The following TRIM9 variants were observed in gnomAD, a reference collection of about 807,000 sequenced individuals.
TRIM9 encodes tripartite motif containing 9.
TRIM9 carries 26 observed loss-of-function variants against 78.3 expected under a neutral mutation model. The ratio of observed to expected loss-of-function variants is 0.33; its 90% CI spans 0.24 to 0.46. The LOEUF is 0.46. Among genes scored for constraint, TRIM9 ranks in the 20% least tolerant of loss-of-function variants. The pLI, the probability that TRIM9 is intolerant of heterozygous loss-of-function variation, is 1.00. For missense variants in TRIM9, 787 were observed against 1,036.4 expected, an observed-to-expected ratio of 0.76 and a Z score of 3.30; for synonymous variants, 398 against 416.5, an observed-to-expected ratio of 0.96 and a Z score of 0.54.
chr14:51,042,381 T>C (rs1367213309), intron 1 of TRIM9, among the ~76,000 whole-genome samples: 1 of 152,230 alleles, frequency 6.6e-6, no homozygotes, highest in Non-Finnish European at 1.5e-5. Context: ...ATCTGAAACC[T>C]GTCACTTAAG....
intron 1 of TRIM9, among the ~76,000 whole-genome samples, chr14:51,031,238 C>G (rs1355304863): frequency 6.6e-6 from 1 of 151,940 alleles, no homozygotes; most frequent in Admixed American, 6.6e-5. Flanking sequence ...CCTCTGAGCC[C>G]TCTTCTTACC....
intron 3 of TRIM9, among the ~76,000 whole-genome samples, chr14:51,017,927 C>T (rs866366308): frequency 6.6e-6 from 1 of 152,168 alleles, no homozygotes; most frequent in Non-Finnish European, 1.5e-5. Flanking sequence ...GTGATTTTTG[C>T]TCCTATGTGG....
In TRIM9 at chr14:50,977,265, G is replaced by T; in HGVS notation, c.*26C>A. The T allele has an allele frequency of 1.4e-6, 2 of 1,451,954 alleles. No individual in the cohort carries two copies. The highest frequency in any genetic ancestry group is 1.5e-5 in the South Asian group (1 of 66,258). The allele number at this position is 1,451,954 out of a possible 1,614,324, so 89.9% of individuals were successfully genotyped here. A position where few individuals can be genotyped will look rare whatever the true frequency, so the allele number is the denominator to read the frequency against. ...CTCTCGCAGGCGGAGGTAAGAACAG[G>T]CAGCTGGCGCCTCCACGGCACATCC... is the stretch of plus-strand genomic sequence containing the variant. On this transcript the variant is annotated 3_prime_UTR_variant, in exon 13 of 13. Coordinates refer to ENST00000684578, the MANE Select transcript of TRIM9 (RefSeq NM_001387360.1).
intron 1 of TRIM9, among the ~76,000 whole-genome samples, chr14:51,058,921 A>T (rs1180830478): frequency 1.3e-5 from 2 of 152,170 alleles, no homozygotes; most frequent in Non-Finnish European, 1.5e-5. Context: ...ATTCTCATGT[A>T]ATGTTTTGCA....
intron 1 of TRIM9, among the ~76,000 whole-genome samples, chr14:51,083,436 T>C (rs2063489180): frequency 6.6e-6 from 1 of 151,800 alleles, no homozygotes; most frequent in African/African-American, 2.4e-5. Flanking sequence ...AAAAAATTTT[T>C]TTTTTAGAGA....
intron 1 of TRIM9, among the ~76,000 whole-genome samples, chr14:51,072,654 AC>A (rs1318634499): frequency 9.7e-6 from 1 of 103,442 alleles, no homozygotes; most frequent in African/African-American, 5.2e-5. Context: ...TCAATTTATT[AC>A]TTTTTTTTTT....
intron 1 of TRIM9, among the ~76,000 whole-genome samples, chr14:51,086,813 G>T (rs2063795962): frequency 6.6e-6 from 1 of 152,180 alleles, no homozygotes; most frequent in Non-Finnish European, 1.5e-5. Context: ...GTACAAGCAG[G>T]AATTGAAACC....
chr14:51,006,909 ATGTGGTC>A (rs1295534379), intron 5 of TRIM9, among the ~76,000 whole-genome samples: 1 of 152,158 alleles, frequency 6.6e-6, no homozygotes, highest in Non-Finnish European at 1.5e-5. Context: ...TGCTTTAGAA[ATGTGGTC>A]TGTGATGCAG....
chr14:51,094,613 C>T lies in TRIM9; in HGVS notation c.327G>A (p.Pro109=), dbSNP rs755021967. 1.9e-6 allele frequency: 3 copies of T among 1,608,866 alleles called. No homozygotes were observed. Among genetic ancestry groups the T allele is most frequent in the Non-Finnish European group, 2.5e-6 (3 of 1,176,956 alleles). ...VRVFPPAMPP[P]ATHLSPALAP... is the part of the protein sequence containing the mutation. ...CCAGGGCCGGTGACAAGTGGGTGGCCGGTGGCGGCATAGCCGGGGGAAACA... is the reference window on the plus strand; with the variant it reads ...CCAGGGCCGGTGACAAGTGGGTGGCTGGTGGCGGCATAGCCGGGGGAAACA... The change falls in exon 1 of 13, where the codon CCG becomes CCA. Residue 109 remains proline, a synonymous_variant. Coordinates refer to ENST00000684578, the MANE Select transcript of TRIM9 (RefSeq NM_001387360.1).
In TRIM9 at chr14:51,022,903, C is replaced by T. The variant is rs1447479504; in HGVS notation, c.973G>A (p.Asp325Asn). ...TGGGCTTTTCTTCTGTTGAGGGCAT[C>T]GATGAGGGCATCACATTGGGCCACC... ...CLVAQCDALI[D>N]ALNRRKAQLL... Residue 325 changes from aspartate (D) to asparagine (N), a missense_variant, in exon 3 of 13, where the codon GAT (aspartate) becomes AAT (asparagine). Around this residue, in one of 3 missense-constraint regions of TRIM9, gnomAD observed 352 missense variants for 472.3 expected, o/e 0.75. Coordinates refer to ENST00000684578, the MANE Select transcript of TRIM9 (RefSeq NM_001387360.1). The T allele has an allele frequency of 3.1e-6, 5 of 1,614,118 alleles. No individual in the cohort carries two copies. Among genetic ancestry groups the T allele is most frequent in the South Asian group, 1.1e-5 (1 of 91,082 alleles).
chr14:51,087,120 A>C (rs1388044491), intron 1 of TRIM9, among the ~76,000 whole-genome samples: 1 of 152,026 alleles, frequency 6.6e-6, no homozygotes, highest in Admixed American at 6.6e-5. Context: ...ACAGCTGTGG[A>C]GGCTGACTCA....
chr14:51,034,303 C>T (rs538520975), intron 1 of TRIM9, among the ~76,000 whole-genome samples: 14 of 152,210 alleles, frequency 9.2e-5, no homozygotes, highest in Middle Eastern at 3.4e-3. Context: ...CAAATAAACC[C>T]AATGAGAATT....
rs749136649 is a variant in TRIM9 at position 50,979,504 on chromosome 14, G to A, written c.2208C>T (p.Leu736=). ...ITKGATIGVL[L]DLNRKNLTFF... is the part of the protein sequence containing the mutation. ...ATGTCAAGTTTTTTCTATTTAAGTC[G>A]AGGAGGACCCCAATTGTGGCCCCTT... Residue 736 remains leucine, a synonymous_variant, in exon 12 of 13, where the codon CTC becomes CTT. Transcript: ENST00000684578. The A allele has an allele frequency of 7.2e-5, 117 of 1,614,020 alleles. 2 individuals are homozygous for A. The South Asian group carries it at 1.2e-3, about 17-fold the overall frequency.
rs377103808 is a variant in TRIM9, at chr14:51,000,814, T to C, written c.1333A>G (p.Ile445Val). The change falls in exon 6 of 13, where the codon ATC becomes GTC. Residue 445 changes from isoleucine to valine, a missense_variant. Physicochemically the swap from Ile to Val is conservative, Grantham distance 29. Transcript: ENST00000684578. The stretch of plus-strand genomic sequence containing the variant: ...GTACAACATTCCTCCAGCTGTAGGA[T>C]AGGGGTTGCTGGGACTGGAGAGGAA... ...KASSPVPATPILQLEECCTHN... is the reference protein window; with the variant it reads ...KASSPVPATPVLQLEECCTHN... The C allele has an allele frequency of 1.1e-5, 18 of 1,614,068 alleles. No homozygotes were observed. Among genetic ancestry groups the C allele is most frequent in the Middle Eastern group, 1.6e-4 (1 of 6,084 alleles).
chr14:51,027,756 T>C (rs752993860), intron 1 of TRIM9, among the ~76,000 whole-genome samples: 7 of 152,180 alleles, frequency 4.6e-5, no homozygotes, highest in Non-Finnish European at 1.0e-4. Context: ...AAAAACGGTC[T>C]CATTTGGAAG....
chr14:51,057,821 T>C (rs543554016), intron 1 of TRIM9, among the ~76,000 whole-genome samples: 2 of 152,300 alleles, frequency 1.3e-5, no homozygotes, highest in Non-Finnish European at 2.9e-5. Flanking sequence ...ATTTTTGAGA[T>C]GAAAACATTC....
intron 1 of TRIM9, among the ~76,000 whole-genome samples, chr14:51,077,763 A>G (rs2062936345): frequency 6.6e-6 from 1 of 152,220 alleles, no homozygotes. Context: ...CGGATATGAA[A>G]TCACATCTCA....
intron 6 of TRIM9, among the ~76,000 whole-genome samples, chr14:50,998,640 G>A (rs1009527717): frequency 6.6e-6 from 1 of 152,154 alleles, no homozygotes; most frequent in African/African-American, 2.4e-5. Flanking sequence ...AAACAGGAAG[G>A]TGGTCTCTAT....
intron 1 of TRIM9, among the ~76,000 whole-genome samples, chr14:51,040,452 C>A (rs1042432127): frequency 1.3e-5 from 2 of 152,120 alleles, no homozygotes; most frequent in African/African-American, 4.8e-5. Flanking sequence ...GTCTGTGCGC[C>A]CTCCCACAAT....
Sources: gnomAD v4.1 joint callset for allele counts (sites outside exome capture counted in the v4.1 genomes callset) on GRCh38, gnomAD v4.1.1 for gene constraint, gnomAD v4.1.1 regional missense constraint, MANE v1.5 for transcripts, NCBI Gene and HGNC (gene_info 2026-07-23, HGNC 2026-07-21) for gene names.